Variants in SEMA5A observed in about 807,000 individuals in gnomAD.
The protein encoded by SEMA5A is semaphorin-5A.
In SEMA5A, 55 loss-of-function variants were observed where a neutral mutation model predicts 135.5. That is an observed-to-expected ratio of 0.41 (90% CI 0.33 to 0.51). The LOEUF (loss-of-function observed/expected upper bound fraction) is 0.51. Ranked by LOEUF, SEMA5A falls within the 20% of genes least tolerant of loss-of-function variation. SEMA5A has a pLI of 0.37. For missense variants in SEMA5A, 1,290 were observed against 1,419.9 expected, an observed-to-expected ratio of 0.91 and a Z score of 1.47; for synonymous variants, 580 against 546.5, an observed-to-expected ratio of 1.06 and a Z score of -0.85.
At chr5:9,257,012 A>G (rs1472586453) in intron 5 of SEMA5A, among the ~76,000 whole-genome samples, 1 of 152,256 alleles carries the variant, frequency 6.6e-6, no homozygotes, top group Non-Finnish European at 1.5e-5. Flanking sequence ...AGATAGTTAC[A>G]GAGGCACTGT....
intron 1 of SEMA5A, among the ~76,000 whole-genome samples, chr5:9,497,579 A>T (rs1447343457): frequency 6.6e-6 from 1 of 152,202 alleles, no homozygotes; most frequent in Non-Finnish European, 1.5e-5. Flanking sequence ...GCAAATACTT[A>T]GCCTGCACTT....
At chr5:9,268,002 T>A (rs901564203) in intron 5 of SEMA5A, among the ~76,000 whole-genome samples, 4 of 152,162 alleles carry the variant, frequency 2.6e-5, no homozygotes, top group Non-Finnish European at 5.9e-5. Context: ...TGTATCATAA[T>A]AATATAAATT....
intron 13 of SEMA5A, among the ~76,000 whole-genome samples, chr5:9,126,027 G>C (rs867082980): frequency 6.6e-6 from 1 of 152,084 alleles, no homozygotes; most frequent in Non-Finnish European, 1.5e-5. Context: ...GTATTGTTTT[G>C]ACTGTCAAAA....
At chr5:9,503,497 G>A (rs900728989) in intron 1 of SEMA5A, among the ~76,000 whole-genome samples, 2 of 152,180 alleles carry the variant, frequency 1.3e-5, no homozygotes, top group African/African-American at 2.4e-5. Context: ...CAACATCCAT[G>A]TTCACTCCAT....
chr5:9,208,810 C>T (rs545794667), intron 8 of SEMA5A, among the ~76,000 whole-genome samples: 1 of 152,104 alleles, frequency 6.6e-6, no homozygotes, highest in East Asian at 1.9e-4. Flanking sequence ...CTTATCACTC[C>T]GTTTCCTGGG....
intron 5 of SEMA5A, among the ~76,000 whole-genome samples, chr5:9,255,866 G>A (rs897774087): frequency 6.6e-6 from 1 of 152,078 alleles, no homozygotes; most frequent in African/African-American, 2.4e-5. Context: ...CGTAATACAT[G>A]TAAATCACCA....
At chr5:9,501,924 C>T (rs964858031) in intron 1 of SEMA5A, among the ~76,000 whole-genome samples, 2 of 152,154 alleles carry the variant, frequency 1.3e-5, no homozygotes, top group Non-Finnish European at 2.9e-5. Context: ...CCGTAGAAAA[C>T]ATAACTTGCT....
At chr5:9,116,839 C>T (rs192798911) in intron 15 of SEMA5A, among the ~76,000 whole-genome samples, 19 of 152,272 alleles carry the variant, frequency 1.2e-4, no homozygotes, top group African/African-American at 4.1e-4. Context: ...TTTTATATTT[C>T]TTAGGTGAAG....
intron 1 of SEMA5A, among the ~76,000 whole-genome samples, chr5:9,522,011 C>T (rs1736860728): frequency 6.6e-6 from 1 of 152,124 alleles, no homozygotes; most frequent in African/African-American, 2.4e-5. Context: ...CAAGACCGTC[C>T]TGGGTTCCAA....
intron 4 of SEMA5A, among the ~76,000 whole-genome samples, chr5:9,331,916 C>A (rs1227392557): frequency 6.6e-6 from 1 of 152,196 alleles, no homozygotes; most frequent in Non-Finnish European, 1.5e-5. Context: ...CGAAAAGGAT[C>A]AGAAATCCAT....
rs1173027644 is a variant in SEMA5A at position 9,035,285 on chromosome 5, A to G, written c.*7612T>C. ...TTTCATAAAGATGAATAGGGTTGAG[A>G]TACAGAAACTGTCAATGCACCAAGA... On this transcript the variant is annotated 3_prime_UTR_variant, in exon 23 of 23. Coordinates refer to ENST00000382496, the MANE Select transcript of SEMA5A (RefSeq NM_003966.3). 6.6e-6 allele frequency: 1 copy of G among 152,210 alleles called. No homozygotes were observed. The highest frequency in any genetic ancestry group is 1.5e-5 in the Non-Finnish European group (1 of 68,046). The allele number at this position is 152,210 out of a possible 1,614,324, so 9.4% of individuals were successfully genotyped here.
intron 5 of SEMA5A, among the ~76,000 whole-genome samples, chr5:9,258,378 A>AGACTG (rs769149216): frequency 2.0e-5 from 3 of 152,212 alleles, no homozygotes; most frequent in Non-Finnish European, 4.4e-5. Flanking sequence ...TACCTATTGA[A>AGACTG]GACTGGTAGC....
At chr5:9,200,974 A>G (rs975511959) in intron 9 of SEMA5A, among the ~76,000 whole-genome samples, 1 of 152,348 alleles carries the variant, frequency 6.6e-6, no homozygotes, top group South Asian at 2.1e-4. Flanking sequence ...ATCTCAGGCA[A>G]TTCAGGACTG....
At chr5:9,526,262 G>A (rs1182614025) in intron 1 of SEMA5A, among the ~76,000 whole-genome samples, 1 of 151,510 alleles carries the variant, frequency 6.6e-6, no homozygotes, top group Non-Finnish European at 1.5e-5. Context: ...TTATCCAAAA[G>A]CATATTAAAA....
intron 1 of SEMA5A, among the ~76,000 whole-genome samples, chr5:9,484,476 T>C (rs1309201399): frequency 6.6e-6 from 1 of 152,208 alleles, no homozygotes; most frequent in Non-Finnish European, 1.5e-5. Flanking sequence ...TGACACTAAA[T>C]GGAAACACTA....
chr5:9,289,779 G>C (rs1750988122), intron 5 of SEMA5A, among the ~76,000 whole-genome samples: 1 of 152,026 alleles, frequency 6.6e-6, no homozygotes, highest in African/African-American at 2.4e-5. Context: ...AATTTGCCAA[G>C]CACATTTTCA....
intron 11 of SEMA5A, among the ~76,000 whole-genome samples, chr5:9,186,226 G>T (rs2150339008): frequency 6.6e-6 from 1 of 152,270 alleles, no homozygotes. Context: ...CAGGGCAGTA[G>T]CATGAAAATG....
intron 16 of SEMA5A, among the ~76,000 whole-genome samples, chr5:9,102,774 A>G (rs1204380971): frequency 6.6e-6 from 1 of 152,204 alleles, no homozygotes; most frequent in Non-Finnish European, 1.5e-5. Context: ...AATCCTGAAC[A>G]TGGATTCAGA....
intron 16 of SEMA5A, among the ~76,000 whole-genome samples, chr5:9,090,971 G>C (rs1040042821): frequency 2.0e-5 from 3 of 152,100 alleles, no homozygotes; most frequent in African/African-American, 4.8e-5. Flanking sequence ...AACCTCCTTT[G>C]GTAATAGGAG....
Sources: allele counts gnomAD v4.1 joint callset (sites outside exome capture counted in the v4.1 genomes callset), GRCh38; gene constraint gnomAD v4.1.1; transcripts MANE v1.5; gene names NCBI Gene and HGNC (gene_info 2026-07-23, HGNC 2026-07-21).